The following PXDNL variants were observed in gnomAD, a reference collection of about 807,000 sequenced individuals.
The protein encoded by PXDNL is probable oxidoreductase PXDNL.
A neutral mutation model predicts 150.8 loss-of-function variants in PXDNL; 145 were observed. That is an observed-to-expected ratio of 0.96 (90% CI 0.84 to 1.10). PXDNL has a LOEUF of 1.10. Among genes scored for constraint, PXDNL ranks in the 50% least tolerant of loss-of-function variants. PXDNL has a pLI of 0.00. For synonymous variants in PXDNL, 757 were observed against 725.7 expected, an observed-to-expected ratio of 1.04 and a Z score of -0.69; for missense variants, 2,087 against 1,873.9, an observed-to-expected ratio of 1.11 and a Z score of -2.10.
In PXDNL at chr8:51,536,625, GTT is replaced by G. The variant is rs11310622; in HGVS notation, c.380+20213_380+20214del. 8.4e-3 allele frequency among the ~76,000 whole-genome samples: 1,242 copies of G among 147,556 alleles called. 8 individuals are homozygous for G. The highest frequency in any genetic ancestry group is 0.025 in the African/African-American group (1,007 of 40,638). On this transcript the variant is annotated intron_variant, in intron 4 of 22. Coordinates refer to ENST00000356297, the MANE Select transcript of PXDNL (RefSeq NM_144651.5). ...TTTTTTCAATATCCCAAGTCTTTCA[GTT>G]TTTTTTTTTTTTAAATGCATTTATT... is the stretch of plus-strand genomic sequence containing the variant.
At chr8:51,694,434 C>G (rs1264152951) in intron 1 of PXDNL, among the ~76,000 whole-genome samples, 1 of 152,212 alleles carries the variant, frequency 6.6e-6, no homozygotes, top group African/African-American at 2.4e-5. Context: ...ACATTCAAGC[C>G]TCGCAGATAT....
intron 1 of PXDNL, among the ~76,000 whole-genome samples, chr8:51,656,282 A>G (rs1423251493): frequency 6.6e-6 from 1 of 152,234 alleles, no homozygotes; most frequent in Non-Finnish European, 1.5e-5. Context: ...GACTTTGCCA[A>G]AATGAGCAAA....
chr8:51,423,938 A>T (rs1400068812), intron 13 of PXDNL, among the ~76,000 whole-genome samples: 3 of 152,212 alleles, frequency 2.0e-5, no homozygotes, highest in Non-Finnish European at 4.4e-5. Context: ...CTCTCTCTCT[A>T]ATTATTAAAT....
At chr8:51,721,647 A>G in intron 1 of PXDNL, 1 of 410,326 alleles carries the variant, frequency 2.4e-6, no homozygotes, top group South Asian at 2.0e-5. Context: ...AATAAAATTA[A>G]AAAAAAAAAG....
chr8:51,768,462 ATAGGAAGTTAAC>A (rs2037256090), intron 1 of PXDNL, among the ~76,000 whole-genome samples: 1 of 152,200 alleles, frequency 6.6e-6, no homozygotes, highest in African/African-American at 2.4e-5. Context: ...TAAATAAATT[ATAGGAAGTTAAC>A]TTCATTATAT....
chr8:51,573,434 T>G (rs992861161), intron 3 of PXDNL, among the ~76,000 whole-genome samples: 1 of 151,980 alleles, frequency 6.6e-6, no homozygotes, highest in Admixed American at 6.6e-5. Flanking sequence ...AACAAGTGGA[T>G]AGTCAGTATT....
intron 4 of PXDNL, among the ~76,000 whole-genome samples, 179 bp downstream of exon 4, chr8:51,556,661 C>G (rs1468063349): frequency 1.3e-5 from 2 of 152,170 alleles, no homozygotes; most frequent in Non-Finnish European, 2.9e-5. Flanking sequence ...GTCTTCCTAT[C>G]CTTATGCCAA....
intron 1 of PXDNL, among the ~76,000 whole-genome samples, chr8:51,800,229 T>A (rs1231869959): frequency 6.6e-6 from 1 of 152,174 alleles, no homozygotes; most frequent in Admixed American, 6.5e-5. Context: ...ATTGGCTCAT[T>A]CCTGCATGCA....
At chr8:51,643,601 C>G (rs186347167) in intron 2 of PXDNL, among the ~76,000 whole-genome samples, 1 of 152,142 alleles carries the variant, frequency 6.6e-6, no homozygotes, top group Non-Finnish European at 1.5e-5. Context: ...TAGAACAAAA[C>G]CTAGGCAATA....
chr8:51,507,505 C>T (rs537099408), intron 4 of PXDNL, among the ~76,000 whole-genome samples: 1 of 152,260 alleles, frequency 6.6e-6, no homozygotes, highest in African/African-American at 2.4e-5. Context: ...TTGTGCTCAA[C>T]AAGGTGATTT....
chr8:51,524,148 C>CCAT (rs5891419), intron 4 of PXDNL, among the ~76,000 whole-genome samples: 1 of 152,156 alleles, frequency 6.6e-6, no homozygotes, highest in Non-Finnish European at 1.5e-5. Flanking sequence ...GGAGTCATAC[C>CCAT]TGATATATGA....
At chr8:51,454,572 T>G (rs1457754984) in intron 9 of PXDNL, among the ~76,000 whole-genome samples, 1 of 152,234 alleles carries the variant, frequency 6.6e-6, no homozygotes, top group Non-Finnish European at 1.5e-5. Context: ...GTTTCTCTTT[T>G]CTGGGAATCT....
At chr8:51,486,663 G>T (rs1458114749) in intron 5 of PXDNL, among the ~76,000 whole-genome samples, 2 of 143,998 alleles carry the variant, frequency 1.4e-5, no homozygotes, top group Non-Finnish European at 3.0e-5. Context: ...GTTATGCAAT[G>T]TATTTGTTGA....
At chr8:51,792,583 A>G (rs944618632) in intron 1 of PXDNL, among the ~76,000 whole-genome samples, 3 of 152,140 alleles carry the variant, frequency 2.0e-5, no homozygotes, top group Admixed American at 2.0e-4. Flanking sequence ...AAGACAACTG[A>G]ACTCCCAGGG....
At chr8:51,416,279 C>A (rs1419078116) in intron 14 of PXDNL, among the ~76,000 whole-genome samples, 1 of 152,096 alleles carries the variant, frequency 6.6e-6, no homozygotes, top group Admixed American at 6.5e-5. Flanking sequence ...TATTGAGATG[C>A]CAAAACTTAA....
intron 17 of PXDNL, among the ~76,000 whole-genome samples, chr8:51,384,567 A>AC (rs11387573): frequency 0.82 from 125,302 of 151,980 alleles, 51,829 homozygotes; most frequent in East Asian, 0.94. Flanking sequence ...ACAATTAAAA[A>AC]GTATGCATTT....
At chr8:51,462,852 C>G (rs1473867865) in intron 8 of PXDNL, among the ~76,000 whole-genome samples, 1 of 151,786 alleles carries the variant, frequency 6.6e-6, no homozygotes, top group African/African-American at 2.4e-5. Flanking sequence ...TCATCAGATT[C>G]TGTGAGGTCA....
In PXDNL at chr8:51,715,596, C is replaced by T. The variant is rs574036400; in HGVS notation, c.165-60836G>A. 7.9e-4 allele frequency among the ~76,000 whole-genome samples: 120 copies of T among 152,254 alleles called. 1 individual carries two copies. The highest frequency in any genetic ancestry group is 2.7e-3 in the African/African-American group (114 of 41,546). ...AAACAGGCACCTCACTGACCTCCTG[C>T]GGCAGAACGTAACAAAAGAGCAACA... On this transcript the variant is annotated intron_variant, in intron 1 of 22. Coordinates refer to ENST00000356297, the MANE Select transcript of PXDNL (RefSeq NM_144651.5).
intron 2 of PXDNL, among the ~76,000 whole-genome samples, chr8:51,595,888 T>C (rs537899111): frequency 1.3e-5 from 2 of 152,284 alleles, no homozygotes; most frequent in African/African-American, 2.4e-5. Flanking sequence ...TTAAAGAATA[T>C]AAATTTATTA....
Sources: gnomAD v4.1 joint callset for allele counts (sites outside exome capture counted in the v4.1 genomes callset) on GRCh38, gnomAD v4.1.1 for gene constraint, MANE v1.5 for transcripts, NCBI Gene and HGNC (gene_info 2026-07-23, HGNC 2026-07-21) for gene names.